The following FRMD4A variants were observed in gnomAD, a reference collection of about 807,000 sequenced individuals.
FRMD4A encodes the protein FERM domain containing 4A.
In FRMD4A, 29 loss-of-function variants were observed where a neutral mutation model predicts 129.1. That is an observed-to-expected ratio of 0.22 (90% CI 0.17 to 0.31). The LOEUF (loss-of-function observed/expected upper bound fraction) is 0.31. Among genes scored for constraint, FRMD4A ranks in the 10% least tolerant of loss-of-function variants. FRMD4A has a pLI of 1.00. For synonymous variants in FRMD4A, 634 were observed against 571.6 expected (o/e 1.11, Z -1.56); for missense variants, 1,272 against 1,375.8 (o/e 0.92, Z 1.19).
intron 2 of FRMD4A, among the ~76,000 whole-genome samples, chr10:13,933,965 T>C (rs925013660): frequency 3.9e-5 from 6 of 152,204 alleles, no homozygotes; most frequent in African/African-American, 1.4e-4. Context: ...TTGACAGCTC[T>C]ATAACTATTA....
intron 2 of FRMD4A, among the ~76,000 whole-genome samples, chr10:13,972,797 C>T (rs1040988309): frequency 6.6e-6 from 1 of 152,120 alleles, no homozygotes; most frequent in African/African-American, 2.4e-5. Context: ...AATGCAGCCA[C>T]GACCTAGCTG....
intron 2 of FRMD4A, among the ~76,000 whole-genome samples, chr10:13,968,052 T>C (rs1242805114): frequency 6.6e-6 from 1 of 152,164 alleles, no homozygotes; most frequent in African/African-American, 2.4e-5. Flanking sequence ...ATATTTAAAG[T>C]GGCTCCCCAG....
intron 3 of FRMD4A, among the ~76,000 whole-genome samples, chr10:13,851,770 C>A (rs374735855): frequency 8.6e-5 from 13 of 151,798 alleles, no homozygotes; most frequent in African/African-American, 3.1e-4. Flanking sequence ...TGTGGTGGCG[C>A]CTGCCTGTAA....
chr10:14,149,727 C>T (rs1840248629), intron 2 of FRMD4A, among the ~76,000 whole-genome samples: 2 of 152,156 alleles, frequency 1.3e-5, no homozygotes, highest in Admixed American at 6.5e-5. Context: ...CCATATTTCC[C>T]ACCCTCAGGA....
rs184859441 is a variant in FRMD4A, at chr10:13,781,784, T to C, written c.384+1138A>G. Among the ~76,000 whole-genome samples the C allele has an allele frequency of 2.7e-5, 4 of 150,776 alleles. No homozygotes were observed. The Admixed American group carries it at 2.7e-4, about 10-fold the overall frequency. Reference sequence around the variant, plus strand: ...TGAAGTACTAGAGTGGTTAAATTCATGGAGACAAAAAGTAGTGGTTGCCAG... The same window carrying C: ...TGAAGTACTAGAGTGGTTAAATTCACGGAGACAAAAAGTAGTGGTTGCCAG... On this transcript the variant is annotated intron_variant, in intron 6 of 24. Coordinates refer to ENST00000357447, the MANE Select transcript of FRMD4A (RefSeq NM_018027.5).
At chr10:14,243,329 G>A (rs965561778) in intron 2 of FRMD4A, among the ~76,000 whole-genome samples, 2 of 152,112 alleles carry the variant, frequency 1.3e-5, no homozygotes, top group African/African-American at 4.8e-5. Flanking sequence ...GTTCTCATGA[G>A]GTCTGATGAT....
At chr10:13,666,468 T>A in intron 17 of FRMD4A, 143 bp from the exon 18 acceptor site, 1 of 628,752 alleles carries the variant, frequency 1.6e-6, no homozygotes, top group Non-Finnish European at 2.8e-6. Context: ...CTGCACCCAC[T>A]GAAGTCCCCA....
At chr10:14,048,989 A>G (rs1401692563) in intron 2 of FRMD4A, among the ~76,000 whole-genome samples, 1 of 152,220 alleles carries the variant, frequency 6.6e-6, no homozygotes, top group African/African-American at 2.4e-5. Context: ...CACGTGTAGC[A>G]CAAAAAGCAG....
intron 2 of FRMD4A, among the ~76,000 whole-genome samples, chr10:14,090,684 C>T (rs1019897004): frequency 2.0e-5 from 3 of 152,164 alleles, no homozygotes; most frequent in Non-Finnish European, 4.4e-5. Context: ...CTGTTTATTT[C>T]TAACTTTATG....
chr10:13,674,067 C>A (rs1034722821), intron 16 of FRMD4A, among the ~76,000 whole-genome samples: 1 of 152,036 alleles, frequency 6.6e-6, no homozygotes, highest in African/African-American at 2.4e-5. Context: ...TGTGCCCAGC[C>A]TGCATAAAAT....
chr10:13,864,581 T>C (rs868583186), intron 2 of FRMD4A, among the ~76,000 whole-genome samples: 213 of 149,476 alleles, frequency 1.4e-3, no homozygotes, highest in African/African-American at 1.9e-3. Flanking sequence ...TTCTTTCTTT[T>C]TTTTTTTTTT....
At chr10:13,871,180 A>T in intron 2 of FRMD4A, 1 of 163,232 alleles carries the variant, frequency 6.1e-6, no homozygotes. Flanking sequence ...GACTTCACTG[A>T]CCTCCTCCCA....
At chr10:13,679,395 A>G (rs141153914) in intron 15 of FRMD4A, among the ~76,000 whole-genome samples, 141 of 127,860 alleles carry the variant, frequency 1.1e-3, no homozygotes, top group Non-Finnish European at 1.7e-3. Flanking sequence ...CCACTGCACC[A>G]CAGCCTGGGT....
At chr10:13,805,137 TTTTC>T (rs2093337567) in intron 4 of FRMD4A, among the ~76,000 whole-genome samples, 2 of 152,106 alleles carry the variant, frequency 1.3e-5, no homozygotes, top group Non-Finnish European at 1.5e-5. Flanking sequence ...ACTCGTTTTC[TTTTC>T]TTTCTTTTTT....
intron 2 of FRMD4A, among the ~76,000 whole-genome samples, chr10:14,182,322 T>C (rs1180133454): frequency 2.6e-5 from 4 of 152,188 alleles, no homozygotes; most frequent in African/African-American, 7.2e-5. Flanking sequence ...ATGAAATTGC[T>C]TGGGGCCAGT....
In FRMD4A at chr10:13,717,547, C is replaced by T. The variant is rs2088928308; in HGVS notation, c.760-10434G>A. On this transcript the variant is annotated intron_variant, in intron 12 of 24. Transcript: ENST00000357447. ...CAGGCTGGTCTCGAACTCCTGACTT[C>T]AAGTGATCTGCCTGCCTCAGCTTCC... 2.6e-5 allele frequency among the ~76,000 whole-genome samples: 4 copies of T among 151,622 alleles called. No homozygotes were observed. In the South Asian group the frequency reaches 8.4e-4, roughly 32 times the overall value.
chr10:13,902,794 C>T (rs1242743908), intron 2 of FRMD4A, among the ~76,000 whole-genome samples: 4 of 148,406 alleles, frequency 2.7e-5, no homozygotes, highest in Non-Finnish European at 4.5e-5. Flanking sequence ...GAGCCAAGAT[C>T]ACGCCACTGC....
rs572571554 is a variant in FRMD4A, at chr10:14,297,307, C to T, written c.45+32751G>A. Among the ~76,000 whole-genome samples the T allele has an allele frequency of 3.3e-5, 5 of 152,268 alleles. No individual in the cohort carries two copies. The East Asian group carries it at 9.7e-4, about 29-fold the overall frequency. ...ACAAGGGGGAAACAGCCCCTTATCA[C>T]ATGCTTTGCTAAACTTCCATCCTTA... On this transcript the variant is annotated intron_variant, in intron 2 of 24. Transcript: ENST00000357447.
chr10:13,729,924 C>CT (rs1413173044), intron 12 of FRMD4A, among the ~76,000 whole-genome samples: 1 of 152,164 alleles, frequency 6.6e-6, no homozygotes, highest in East Asian at 1.9e-4. Flanking sequence ...ACAAGGGAGG[C>CT]TTTTTTGGAG....
Sources: gnomAD v4.1 joint callset for allele counts (sites outside exome capture counted in the v4.1 genomes callset) on GRCh38, gnomAD v4.1.1 for gene constraint, MANE v1.5 for transcripts, NCBI Gene and HGNC (gene_info 2026-07-23, HGNC 2026-07-21) for gene names.